ANK3: variants seen among roughly 807,000 people sequenced by gnomAD.
ANK3 encodes ankyrin-3.
ANK3 carries 57 observed loss-of-function variants against 370.9 expected under a neutral mutation model. The observed-to-expected ratio is 0.15, with a 90% CI of 0.12 to 0.19. The LOEUF (loss-of-function observed/expected upper bound fraction) is 0.19. ANK3 is among the 10% of genes least tolerant of loss of function. ANK3 has a pLI of 1.00. For missense variants in ANK3, 4,439 were observed against 5,302.1 expected (o/e 0.84, Z 5.06); for synonymous variants, 1,929 against 1,946.3 (o/e 0.99, Z 0.23).
chr10:60,667,195 ATATTATAT>A (rs1333908686), intron 1 of ANK3, among the ~76,000 whole-genome samples: 1 of 21,448 alleles, frequency 4.7e-5, no homozygotes. Flanking sequence ...ATATTATATT[ATATTATAT>A]TATATTATAT....
intron 23 of ANK3, among the ~76,000 whole-genome samples, chr10:60,162,106 G>A (rs1047164054): frequency 2.0e-5 from 3 of 152,024 alleles, no homozygotes; most frequent in Admixed American, 1.3e-4. Flanking sequence ...AACATGATTT[G>A]TTCCTTTTCC....
In ANK3 at chr10:60,615,211, G is replaced by C; in HGVS notation, c.71C>G (p.Ser24Ter). 6.6e-7 allele frequency: 1 copy of C among 1,517,906 alleles called. No individual in the cohort carries two copies. 94.0% of individuals were successfully genotyped at this position (1,517,906 alleles called of 1,614,324 possible). The stretch of plus-strand genomic sequence containing the variant: ...CTTTCTAGAGCTTCGTGAATAATCT[G>C]ATCCAAAGCCACCCTAAAAAAGTAA... Residue 24 changes from serine (S) to a stop codon, truncating the protein, a stop_gained, in exon 2 of 44, where the codon TCA (serine) becomes TGA (stop). Transcript: ENST00000373827. LOFTEE classifies it high-confidence loss of function.
chr10:60,623,497 C>T (rs2078367028), intron 1 of ANK3, among the ~76,000 whole-genome samples: 1 of 152,010 alleles, frequency 6.6e-6, no homozygotes, highest in Non-Finnish European at 1.5e-5. Context: ...AACCTGGGAC[C>T]ACTTTGACAT....
At chr10:60,438,355 T>C (rs2064210255) in intron 2 of ANK3, among the ~76,000 whole-genome samples, 2 of 152,178 alleles carry the variant, frequency 1.3e-5, no homozygotes, top group Admixed American at 1.3e-4. Context: ...CAGCCTCAAC[T>C]CCACTTACAA....
chr10:60,213,371 A>G lies in ANK3; in HGVS notation c.996+41T>C, dbSNP rs772854221. 1.8e-5 allele frequency: 25 copies of G among 1,410,580 alleles called. No homozygotes were observed. The African/African-American group carries it at 3.4e-4, about 19-fold the overall frequency. 87.4% of individuals were successfully genotyped at this position (1,410,580 alleles called of 1,614,324 possible). On this transcript the variant is annotated intron_variant, in intron 9 of 43. Transcript: ENST00000280772. ...AAGGCTAGATCATATAACCATCAAA[A>G]TAAATACAGTCCAATGTCCAGAAAC...
intron 23 of ANK3, among the ~76,000 whole-genome samples, chr10:60,148,272 C>T (rs912876457): frequency 6.6e-6 from 1 of 152,034 alleles, no homozygotes; most frequent in Non-Finnish European, 1.5e-5. Flanking sequence ...CTTTTTCTAC[C>T]TCTTCATAGA....
intron 2 of ANK3, among the ~76,000 whole-genome samples, chr10:60,469,302 T>TACCACTTTTAGTGTGTATATATATATAC (rs1555377201): frequency 4.3e-4 from 8 of 18,530 alleles, no homozygotes; most frequent in East Asian, 3.1e-3. Flanking sequence ...TATATATATA[T>TACCACTTTTAGTGTGTATATATATATAC]ATATACCACT....
At chr10:60,548,206 C>CTTTT (rs537459971) in intron 2 of ANK3, among the ~76,000 whole-genome samples, 3 of 88,342 alleles carry the variant, frequency 3.4e-5, no homozygotes, top group African/African-American at 4.3e-5. Flanking sequence ...TAAATATTTC[C>CTTTT]TTTTTTTTTT....
At chr10:60,389,338 T>C in intron 1 of ANK3, 87 bp downstream of exon 1, 3 of 1,279,962 alleles carry the variant, frequency 2.3e-6, no homozygotes, top group South Asian at 1.3e-5. Flanking sequence ...CATGTAAAAA[T>C]AACCCTTAAT....
chr10:60,350,950 T>C (rs2056735639), intron 1 of ANK3, among the ~76,000 whole-genome samples: 1 of 152,116 alleles, frequency 6.6e-6, no homozygotes, highest in South Asian at 2.1e-4. Flanking sequence ...AACTGCTTTA[T>C]TGGTTTCATA....
chr10:60,706,598 G>A (rs2079622295), intron 1 of ANK3, among the ~76,000 whole-genome samples: 1 of 151,844 alleles, frequency 6.6e-6, no homozygotes, highest in African/African-American at 2.4e-5. Context: ...GTCTTTGACT[G>A]TTGAGTCGCT....
Position 60,083,610 on chromosome 10 carries a change from T to C in ANK3, c.4082A>G (p.Glu1361Gly). The change falls in exon 33 of 44, where the codon GAA (glutamate) becomes GGA (glycine). Residue 1361 changes from glutamate to glycine, a missense_variant. Physicochemically the swap from Glu to Gly is moderately conservative, Grantham distance 98 (BLOSUM62 -2). This residue lies in a region of ANK3 where 702 missense variants were observed against 941.5 expected (regional missense o/e 0.75). Transcript: ENST00000280772. Reference protein sequence around the residue: ...VARSKDIEVLEGKPIYVDCYG... With the variant: ...VARSKDIEVLGGKPIYVDCYG... ...ACAATCAACATAAATAGGTTTTCCT[T>C]CCAGAACCTTTTAGAGTAAAAGAAA... The C allele has an allele frequency of 6.3e-7, 1 of 1,598,802 alleles. No individual in the cohort carries two copies. Among genetic ancestry groups the C allele is most frequent in the Non-Finnish European group, 8.5e-7 (1 of 1,173,794 alleles).
At chr10:60,041,088 A>T (rs72818460) in intron 43 of ANK3, among the ~76,000 whole-genome samples, 9,322 of 152,162 alleles carry the variant, frequency 0.061, 361 homozygotes, top group African/African-American at 0.1. Context: ...GTTGTGTTGA[A>T]ATTTTTTTAT....
At chr10:60,274,241 A>C (rs1437227083) in intron 4 of ANK3, among the ~76,000 whole-genome samples, 1 of 152,132 alleles carries the variant, frequency 6.6e-6, no homozygotes, top group East Asian at 1.9e-4. Flanking sequence ...CCAAAGTGCT[A>C]AGATCACAGG....
chr10:60,585,358 T>TTCCAAATTTCTCA (rs1230451954), intron 2 of ANK3, among the ~76,000 whole-genome samples: 1 of 152,180 alleles, frequency 6.6e-6, no homozygotes, highest in Non-Finnish European at 1.5e-5. Context: ...AGAGATGAGC[T>TTCCAAATTTCTCA]TAGGCAGAAA....
chr10:60,344,800 G>A (rs1394876673), intron 1 of ANK3, among the ~76,000 whole-genome samples: 1 of 152,306 alleles, frequency 6.6e-6, no homozygotes, highest in East Asian at 1.9e-4. Context: ...AGAATCCACA[G>A]ATATGTGTAT....
rs957123109 is a variant in ANK3, at chr10:60,685,009, G to A, written c.57+48254C>T. On this transcript the variant is annotated intron_variant, in intron 1 of 43. Coordinates refer to the ANK3 transcript ENST00000373827. ...TCCTTGGCATTTGCAGCCTACCTGC[G>A]CAATCATAGGAGATGGCCTAAAGGA... The A allele has an allele frequency of 3.3e-5, 51 of 1,546,774 alleles. No homozygotes were observed. In the East Asian group the frequency reaches 7.3e-4, roughly 22 times the overall value.
intron 18 of ANK3, among the ~76,000 whole-genome samples, chr10:60,176,177 T>C (rs1219572439): frequency 1.3e-5 from 1 of 77,714 alleles, no homozygotes; most frequent in Non-Finnish European, 2.8e-5. Context: ...CTGCTAAAAA[T>C]ACAAAAAAAA....
At chr10:60,610,903 A>G (rs865948039) in intron 2 of ANK3, among the ~76,000 whole-genome samples, 1 of 152,190 alleles carries the variant, frequency 6.6e-6, no homozygotes, top group African/African-American at 2.4e-5. Flanking sequence ...TTGTGTCAGC[A>G]TGAGATAAAC....
Sources: allele counts gnomAD v4.1 joint callset (sites outside exome capture counted in the v4.1 genomes callset), GRCh38; gene constraint gnomAD v4.1.1; regional missense constraint gnomAD v4.1.1; transcripts MANE v1.5; gene names NCBI Gene and HGNC (gene_info 2026-07-23, HGNC 2026-07-21).